WDR44: variants seen among roughly 807,000 people sequenced by gnomAD.
WDR44 encodes WD repeat domain 44, also known as WD repeat-containing protein 44.
Under a neutral mutation model 65.7 loss-of-function variants are expected in WDR44, and 9 were observed. The observed-to-expected ratio is 0.14, with a 90% CI of 0.08 to 0.24. The LOEUF (loss-of-function observed/expected upper bound fraction) is 0.24. WDR44 is among the 10% of genes least tolerant of loss of function. The pLI is 1.00. For missense variants in WDR44, 425 were observed against 670.9 expected (o/e 0.63, Z 4.05); for synonymous variants, 220 against 235.2 (o/e 0.94, Z 0.59).
chrX:118,376,944 A>G (rs2056665474), intron 1 of WDR44, among the ~76,000 whole-genome samples: 2 of 110,021 alleles, frequency 1.8e-5, no homozygotes, highest in Admixed American at 9.7e-5. Context: ...TTGAGGCTGC[A>G]GTGAGCCATG....
rs1337065310 is a variant in WDR44, at chrX:118,397,070, C to G, written c.1154C>G (p.Thr385Ser). ...CTACCAACAGGCATTAATCCTCTCA[C>G]TCTACACATCATGAGAAGGACAAAA... ...EKLPTGINPL[T>S]LHIMRRTKEY... is the part of the protein sequence containing the mutation. The change falls in exon 7 of 20, where the codon ACT becomes AGT. Residue 385 changes from threonine to serine, a missense_variant. Physicochemically the swap from Thr to Ser is moderately conservative, Grantham distance 58. Around this residue, in one of 5 missense-constraint regions of WDR44, gnomAD observed 77 missense variants for 183.5 expected, o/e 0.42. Coordinates refer to ENST00000254029, the MANE Select transcript of WDR44 (RefSeq NM_019045.5). 1 of 1,185,871 alleles carries G rather than the reference C, an allele frequency of 8.4e-7. No homozygotes were observed.
At chrX:118,431,779 T>C (rs990734604) in intron 12 of WDR44, among the ~76,000 whole-genome samples, 2 of 112,220 alleles carry the variant, frequency 1.8e-5, no homozygotes, top group East Asian at 5.6e-4. Flanking sequence ...AGGACAAACT[T>C]TGGACTTACA....
rs2057224807 is a variant in WDR44 at position 118,432,931 on chromosome X, C to T, written c.1851+37C>T. On this transcript the variant is annotated intron_variant, in intron 13 of 19. Transcript: ENST00000254029. ...TTATTTGAATCATATAGTAATTCTG[C>T]GTATAAGGAGCTGATGCTGTAGTCT... 7 of 1,108,677 alleles carry T rather than the reference C, an allele frequency of 6.3e-6. No homozygotes were observed. The South Asian group carries it at 7.5e-5, about 12-fold the overall frequency. 91.4% of individuals were successfully genotyped at this position (1,108,677 alleles called of 1,213,427 possible). A position where few individuals can be genotyped will look rare whatever the true frequency, so the allele number is the denominator to read the frequency against.
intron 1 of WDR44, among the ~76,000 whole-genome samples, chrX:118,356,846 CTTT>C (rs774889869): frequency 1.1e-5 from 1 of 90,092 alleles, no homozygotes; most frequent in African/African-American, 4.0e-5. Context: ...ATATTTCTTT[CTTT>C]TTTTTTTTTT....
intron 1 of WDR44, among the ~76,000 whole-genome samples, chrX:118,367,034 C>T (rs1402467537): frequency 9.2e-6 from 1 of 108,500 alleles, no homozygotes; most frequent in Non-Finnish European, 1.9e-5. Context: ...TGCGGTAAGC[C>T]GAGATCACGC....
intron 3 of WDR44, among the ~76,000 whole-genome samples, chrX:118,390,193 A>G (rs892543110): frequency 3.6e-5 from 4 of 111,115 alleles, no homozygotes. Context: ...AAGTGCTGGG[A>G]TTACAAGCAT....
intron 3 of WDR44, among the ~76,000 whole-genome samples, chrX:118,391,108 CTTCTT>C (rs2056816324): frequency 8.9e-6 from 1 of 112,296 alleles, no homozygotes; most frequent in African/African-American, 3.2e-5. Context: ...GCTCTGTTAT[CTTCTT>C]TTCCAGTAGT....
intron 19 of WDR44, chrX:118,446,994 C>T (rs2057351418): frequency 3.4e-6 from 1 of 292,716 alleles, no homozygotes; most frequent in Non-Finnish European, 6.4e-6. Context: ...CTCAGCATCC[C>T]GAGTAGCTAG....
At chrX:118,354,574 G>A (rs1356326165) in intron 1 of WDR44, among the ~76,000 whole-genome samples, 1 of 111,394 alleles carries the variant, frequency 9.0e-6, no homozygotes, top group East Asian at 2.8e-4. Flanking sequence ...ATCTGAGGAT[G>A]AAATATAAGA....
intron 3 of WDR44, among the ~76,000 whole-genome samples, chrX:118,392,372 C>T (rs2056827575): frequency 8.9e-6 from 1 of 112,032 alleles, no homozygotes; most frequent in Non-Finnish European, 1.9e-5. Context: ...AGTATAGATG[C>T]TGGAATCAAA....
rs1396350175 is a variant in WDR44 at position 118,346,518 on chromosome X, C to T, written c.15C>T (p.Ser5=). MASE[S]DTEEFYDAPE... The stretch of plus-strand genomic sequence containing the variant: ...GTGTCCTATAAATGGCGTCGGAAAG[C>T]GACACCGAGGAATTCTATGATGCCC... Residue 5 remains serine (S), a synonymous_variant, in exon 1 of 20, where the codon AGC becomes AGT. Transcript: ENST00000254029. 8.3e-7 allele frequency: 1 copy of T among 1,207,460 alleles called. No individual in the cohort carries two copies. Among genetic ancestry groups the T allele is most frequent in the Non-Finnish European group, 1.1e-6 (1 of 893,276 alleles).
intron 6 of WDR44, among the ~76,000 whole-genome samples, chrX:118,395,723 A>T (rs746511007): frequency 1.2e-4 from 14 of 112,128 alleles, no homozygotes; most frequent in African/African-American, 4.2e-4. Context: ...AGTGGGCTTT[A>T]AAAGAACTTG....
At chrX:118,403,801 C>A (rs1482777531) in intron 8 of WDR44, among the ~76,000 whole-genome samples, 1 of 111,753 alleles carries the variant, frequency 8.9e-6, no homozygotes, top group Non-Finnish European at 1.9e-5. Context: ...TTGGGAATAC[C>A]TACTAGGAAA....
chrX:118,439,447 A>G (rs1447914749), intron 14 of WDR44, among the ~76,000 whole-genome samples: 2 of 109,487 alleles, frequency 1.8e-5, no homozygotes, highest in Admixed American at 2.0e-4. Context: ...GTCGTGTTGC[A>G]TGCCTATAAT....
chrX:118,363,370 C>T (rs1197551455), intron 1 of WDR44, among the ~76,000 whole-genome samples: 4 of 96,008 alleles, frequency 4.2e-5, no homozygotes, highest in Middle Eastern at 0.011. Context: ...CGTTGTACTC[C>T]AGCCTGGGAG....
At chrX:118,431,200 T>A (rs1372884353) in intron 12 of WDR44, among the ~76,000 whole-genome samples, 1 of 112,008 alleles carries the variant, frequency 8.9e-6, no homozygotes, top group African/African-American at 3.2e-5. Context: ...GAAGCACCGG[T>A]AAGATGGTGG....
intron 3 of WDR44, among the ~76,000 whole-genome samples, chrX:118,391,479 T>G (rs1445757538): frequency 8.9e-6 from 1 of 111,927 alleles, no homozygotes; most frequent in Non-Finnish European, 1.9e-5. Context: ...AGCATGAAAT[T>G]GTAGTAAACC....
intron 11 of WDR44, 146 bp from the exon 12 acceptor site, chrX:118,410,749 G>C: frequency 2.1e-6 from 1 of 485,398 alleles, no homozygotes; most frequent in Non-Finnish European, 3.4e-6. Context: ...CTCCTATAGG[G>C]TTATGCCTCA....
intron 1 of WDR44, among the ~76,000 whole-genome samples, chrX:118,353,690 C>A (rs1446997456): frequency 1.8e-5 from 2 of 112,476 alleles, no homozygotes; most frequent in Non-Finnish European, 1.9e-5. Flanking sequence ...TCACTGCATC[C>A]AATAGCCATC....
Sources: allele counts gnomAD v4.1 joint callset (sites outside exome capture counted in the v4.1 genomes callset), GRCh38; gene constraint gnomAD v4.1.1; regional missense constraint gnomAD v4.1.1; transcripts MANE v1.5; gene names NCBI Gene and HGNC (gene_info 2026-07-23, HGNC 2026-07-21).